Variants in TASP1 observed in about 807,000 individuals in gnomAD.
The protein encoded by TASP1 is taspase 1.
TASP1 carries 16 observed loss-of-function variants against 56.6 expected under a neutral mutation model. That is an observed-to-expected ratio of 0.28 (90% CI 0.19 to 0.43). TASP1 has a LOEUF of 0.43. Ranked by LOEUF, TASP1 falls within the 20% of genes least tolerant of loss-of-function variation. The probability of loss-of-function intolerance (pLI) is 1.00; values close to 1 mark genes in which losing one functional copy is unlikely to be tolerated. For missense variants in TASP1, 393 were observed against 511.6 expected, an observed-to-expected ratio of 0.77 and a Z score of 2.24; for synonymous variants, 179 against 184.2, an observed-to-expected ratio of 0.97 and a Z score of 0.23.
the TASP1 span, among the ~76,000 whole-genome samples, chr20:13,357,610 C>T: frequency 1.5e-3 from 221 of 152,178 alleles, no homozygotes; most frequent in African/African-American, 4.7e-3. Context: ...CTTATATACA[C>T]GTAAAATACC....
intron 12 of TASP1, 147 bp from the exon 13 acceptor site, chr20:13,417,668 G>T: frequency 2.5e-6 from 2 of 804,374 alleles, no homozygotes; most frequent in Non-Finnish European, 1.9e-6. Flanking sequence ...ATGTCAAGAT[G>T]ATTTATCACT....
At chr20:13,126,694 T>C in the TASP1 span, 4 of 1,614,018 alleles carry the variant, frequency 2.5e-6, no homozygotes, top group South Asian at 4.4e-5. Context: ...AAACTTATCA[T>C]GGGACTGGAT....
Position 13,585,779 on chromosome 20 carries a change from A to G in TASP1, c.403+1471T>C, listed in dbSNP as rs74635872. ...TGCTAGTAGGAGTATAAACTGCAACAATTACTTTTGAAAACCGGCAGTATC... is the reference window on the plus strand; with the variant it reads ...TGCTAGTAGGAGTATAAACTGCAACGATTACTTTTGAAAACCGGCAGTATC... On this transcript the variant is annotated intron_variant, in intron 5 of 13. Transcript: ENST00000337743. 2.4e-3 allele frequency among the ~76,000 whole-genome samples: 365 copies of G among 152,342 alleles called. 1 individual carries two copies. The highest frequency in any genetic ancestry group is 8.3e-3 in the African/African-American group (344 of 41,572).
the TASP1 span, among the ~76,000 whole-genome samples, chr20:13,264,477 C>A: frequency 6.6e-6 from 1 of 152,188 alleles, no homozygotes; most frequent in African/African-American, 2.4e-5. Context: ...TCACTCATTT[C>A]CATAGCTTTA....
At chr20:13,434,712 C>T (rs757881763) in intron 12 of TASP1, among the ~76,000 whole-genome samples, 6 of 152,150 alleles carry the variant, frequency 3.9e-5, no homozygotes, top group Non-Finnish European at 5.9e-5. Flanking sequence ...CTCTCTATTA[C>T]TGTGTGCCTT....
At chr20:13,397,691 A>G (rs1347972937) in intron 13 of TASP1, among the ~76,000 whole-genome samples, 1 of 152,242 alleles carries the variant, frequency 6.6e-6, no homozygotes, top group Non-Finnish European at 1.5e-5. Context: ...TCTGGGACTC[A>G]GAGAAATCGG....
intron 10 of TASP1, among the ~76,000 whole-genome samples, chr20:13,484,754 AAG>A (rs2043264042): frequency 6.6e-6 from 1 of 151,452 alleles, no homozygotes; most frequent in Non-Finnish European, 1.5e-5. Flanking sequence ...AAAAAAAAGA[AAG>A]AAAGAAAATG....
the TASP1 span, among the ~76,000 whole-genome samples, chr20:13,244,899 T>A: frequency 2.0e-5 from 3 of 152,202 alleles, no homozygotes. Flanking sequence ...CCCTTCTGAG[T>A]CTTCTGAAAT....
chr20:13,484,748 A>AG (rs1555874711), intron 10 of TASP1, among the ~76,000 whole-genome samples: 1 of 151,730 alleles, frequency 6.6e-6, no homozygotes, highest in Non-Finnish European at 1.5e-5. Flanking sequence ...AAAAAAAAAA[A>AG]AAAGAAAGAA....
At chr20:13,627,136 C>G (rs925810984) in intron 2 of TASP1, among the ~76,000 whole-genome samples, 5 of 151,958 alleles carry the variant, frequency 3.3e-5, no homozygotes, top group Non-Finnish European at 4.4e-5. Context: ...GATTAAAAAG[C>G]GTTTAGTTGT....
At chr20:13,629,687 ATAGAGT>A in intron 2 of TASP1, among the ~76,000 whole-genome samples, 1 of 152,258 alleles carries the variant, frequency 6.6e-6, no homozygotes, top group African/African-American at 2.4e-5. Flanking sequence ...CATCTATTAC[ATAGAGT>A]TAAAGTAAAT....
the TASP1 span, among the ~76,000 whole-genome samples, chr20:13,173,079 A>T: frequency 1.3e-5 from 2 of 152,132 alleles, no homozygotes; most frequent in African/African-American, 2.4e-5. Flanking sequence ...GCCTGGGGAA[A>T]AGAAAAAGTG....
chr20:13,335,940 A>G, the TASP1 span, among the ~76,000 whole-genome samples: 5 of 152,286 alleles, frequency 3.3e-5, no homozygotes, highest in Non-Finnish European at 7.3e-5. Flanking sequence ...ATTTTCCCGG[A>G]ACTAAAAGAA....
chr20:13,264,521 C>T, the TASP1 span, among the ~76,000 whole-genome samples: 1 of 152,192 alleles, frequency 6.6e-6, no homozygotes. Context: ...TCCTAATTTG[C>T]CCTGTGGCTT....
intron 9 of TASP1, among the ~76,000 whole-genome samples, chr20:13,530,159 T>A (rs1481766784): frequency 6.6e-6 from 1 of 152,096 alleles, no homozygotes; most frequent in Admixed American, 6.6e-5. Flanking sequence ...ATAATTACCC[T>A]CCTAGAGAAA....
At chr20:13,341,333 T>C in the TASP1 span, among the ~76,000 whole-genome samples, 1 of 152,242 alleles carries the variant, frequency 6.6e-6, no homozygotes. Context: ...TTTAAATATA[T>C]GAACCGATGC....
intron 13 of TASP1, among the ~76,000 whole-genome samples, chr20:13,409,078 AT>A (rs1424413854): frequency 1.1e-4 from 17 of 152,212 alleles, no homozygotes; most frequent in African/African-American, 4.1e-4. Flanking sequence ...TACCATAAGT[AT>A]TTAAGGACAT....
chr20:13,359,726 C>A, the TASP1 span, among the ~76,000 whole-genome samples: 1 of 150,112 alleles, frequency 6.7e-6, no homozygotes, highest in East Asian at 2.0e-4. Flanking sequence ...CTTATTAGGC[C>A]GAGACACTTT....
At chr20:13,169,434 G>A in the TASP1 span, among the ~76,000 whole-genome samples, 374 of 152,224 alleles carry the variant, frequency 2.5e-3, 3 homozygotes, top group East Asian at 0.012. Context: ...AAAGGAACAG[G>A]ATTGGAAAGA....
Sources: gnomAD v4.1 joint callset for allele counts (sites outside exome capture counted in the v4.1 genomes callset) on GRCh38, gnomAD v4.1.1 for gene constraint, MANE v1.5 for transcripts, NCBI Gene and HGNC (gene_info 2026-07-23, HGNC 2026-07-21) for gene names.